CCDC83: variants seen among roughly 807,000 people sequenced by gnomAD.
CCDC83 encodes the protein coiled-coil domain-containing protein 83.
A neutral mutation model predicts 50.1 loss-of-function variants in CCDC83; 54 were observed. The ratio of observed to expected loss-of-function variants is 1.08; its 90% CI spans 0.87 to 1.35. The LOEUF (loss-of-function observed/expected upper bound fraction) is 1.35. Among genes scored for constraint, CCDC83 ranks in the 40% most tolerant of loss-of-function variants. CCDC83 has a pLI of 0.00. For missense variants in CCDC83, 518 were observed against 473.9 expected (o/e 1.09, Z -0.86); for synonymous variants, 161 against 153.3 (o/e 1.05, Z -0.37).
chr11:85,919,424 GA>G lies in CCDC83; in HGVS notation c.1157del (p.Glu386GlyfsTer23). ...ESKKMPIHFQ[E>X]KEIPVKLYKD... is the part of the protein sequence containing the mutation. ...CAAGAAAATGCCCATTCATTTTCAA[GA>G]GAAGGAAATTCCAGTCAAACTCTAT... On this transcript the variant is annotated frameshift_variant, in exon 11 of 11. Transcript: ENST00000342404. LOFTEE classifies it low-confidence loss of function (END_TRUNC). The G allele has an allele frequency of 6.2e-7, 1 of 1,613,666 alleles. No individual in the cohort carries two copies. The highest frequency in any genetic ancestry group is 8.5e-7 in the Non-Finnish European group (1 of 1,179,668).
intron 1 of CCDC83, among the ~76,000 whole-genome samples, chr11:85,861,155 C>G (rs1292240294): frequency 6.6e-6 from 1 of 152,208 alleles, no homozygotes; most frequent in Non-Finnish European, 1.5e-5. Context: ...TTAGGTGTCA[C>G]TGGCATTAAA....
intron 10 of CCDC83, chr11:85,916,650 CG>C (rs944405661): frequency 4.9e-6 from 1 of 204,366 alleles, no homozygotes; most frequent in Admixed American, 6.2e-5. Context: ...AAGGCTTGAT[CG>C]GGGCAGGAGT....
chr11:85,865,379 A>T (rs2093201060), intron 2 of CCDC83, among the ~76,000 whole-genome samples, 161 bp downstream of exon 2: 1 of 152,272 alleles, frequency 6.6e-6, no homozygotes. Context: ...ACATATTTTT[A>T]AAGGTTTTTG....
At chr11:85,883,238 G>T (rs1206752568) in intron 4 of CCDC83, among the ~76,000 whole-genome samples, 1 of 152,040 alleles carries the variant, frequency 6.6e-6, no homozygotes, top group African/African-American at 2.4e-5. Flanking sequence ...CTTACAACAG[G>T]ACAGTATCTT....
Position 85,911,285 on chromosome 11 carries a change from C to A in CCDC83, c.677C>A (p.Ala226Glu). 6.2e-7 allele frequency: 1 copy of A among 1,605,996 alleles called. No homozygotes were observed. Among genetic ancestry groups the A allele is most frequent in the Non-Finnish European group, 8.5e-7 (1 of 1,176,290 alleles). The change falls in exon 8 of 11, where the codon GCA becomes GAA. Residue 226 changes from alanine to glutamate, a missense_variant. Physicochemically the swap from Ala to Glu is moderately radical, Grantham distance 107. Coordinates refer to ENST00000342404, the MANE Select transcript of CCDC83 (RefSeq NM_001286159.2). ...ATTCTCTTCTTCTGAGAACAGGTTGCAATTCACAGGAAGGAAGTTGAAGAA... is the reference window on the plus strand; with the variant it reads ...ATTCTCTTCTTCTGAGAACAGGTTGAAATTCACAGGAAGGAAGTTGAAGAA... ...WENDWLKKEV[A>E]IHRKEVEELK...
intron 5 of CCDC83, among the ~76,000 whole-genome samples, chr11:85,892,095 G>A (rs1002850320): frequency 2.0e-5 from 3 of 152,186 alleles, no homozygotes; most frequent in African/African-American, 7.2e-5. Context: ...TCAGAGAAGA[G>A]TATATAATAA....
chr11:85,908,748 AT>A (rs1190183652), intron 7 of CCDC83, among the ~76,000 whole-genome samples: 4 of 136,470 alleles, frequency 2.9e-5, no homozygotes, highest in African/African-American at 1.2e-4. Context: ...TACAAAAAAA[AT>A]ACCAAAAAAA....
chr11:85,885,542 T>C (rs1225998095), intron 4 of CCDC83, among the ~76,000 whole-genome samples: 1 of 152,246 alleles, frequency 6.6e-6, no homozygotes, highest in Non-Finnish European at 1.5e-5. Context: ...GGCCTAAAGA[T>C]TGAATAGAAT....
chr11:85,881,563 C>T (rs1489779759), intron 3 of CCDC83, among the ~76,000 whole-genome samples: 1 of 152,086 alleles, frequency 6.6e-6, no homozygotes, highest in East Asian at 1.9e-4. Context: ...GCTGAGACTA[C>T]AAGCACCACC....
At chr11:85,866,584 G>A (rs552288707) in intron 2 of CCDC83, among the ~76,000 whole-genome samples, 3 of 151,684 alleles carry the variant, frequency 2.0e-5, no homozygotes, top group Non-Finnish European at 2.9e-5. Flanking sequence ...GCCCAGGGAG[G>A]TCAAGGTTAC....
rs1383902102 is a variant in CCDC83, at chr11:85,895,288, T to TTTA, written c.512-5_512-4insTTA. 1 of 555,906 alleles carries TTTA rather than the reference T, an allele frequency of 1.8e-6. No homozygotes were observed. Among genetic ancestry groups the TTTA allele is most frequent in the Non-Finnish European group, 2.6e-6 (1 of 378,360 alleles). 34.4% of individuals were successfully genotyped at this position (555,906 alleles called of 1,614,324 possible). A position where few individuals can be genotyped will look rare whatever the true frequency, so the allele number is the denominator to read the frequency against. On this transcript the variant is annotated splice_region_variant and splice_polypyrimidine_tract_variant and intron_variant, in intron 5 of 10. Coordinates refer to ENST00000342404, the MANE Select transcript of CCDC83 (RefSeq NM_001286159.2). ...TCTTTTTTTTTTTTTTTTTTTTTTT[T>TTTA]AAAGAACACTATAAAATCACTCTGG... is the stretch of plus-strand genomic sequence containing the variant.
intron 10 of CCDC83, 104 bp downstream of exon 10, chr11:85,916,337 C>A: frequency 2.3e-6 from 2 of 884,212 alleles, no homozygotes; most frequent in South Asian, 1.5e-5. Context: ...TTGAAAATTC[C>A]ATTTGCAATT....
chr11:85,917,166 G>GAGAGAGAGAA (rs756949334), intron 10 of CCDC83, among the ~76,000 whole-genome samples: 217 of 62,402 alleles, frequency 3.5e-3, no homozygotes, highest in East Asian at 0.012. Flanking sequence ...GAGAGAGAGA[G>GAGAGAGAGAA]AGAAAGAAAG....
At position 85,895,373 on chromosome 11, in the gene CCDC83, TG is replaced by T; in HGVS notation, c.595del (p.Ala199ProfsTer6). On this transcript the variant is annotated frameshift_variant, in exon 6 of 11. Coordinates refer to ENST00000342404, the MANE Select transcript of CCDC83 (RefSeq NM_001286159.2). LOFTEE classifies it high-confidence loss of function. Reference sequence around the variant, plus strand: ...GTTGCAACTGGACCAAAAGAAGGAATGGGCCACACAGGTATAATTCAATTTT... The same window carrying T: ...GTTGCAACTGGACCAAAAGAAGGAATGGCCACACAGGTATAATTCAATTTT... ...TLLQLDQKKE[W>X]ATQNAVKLID... 6.4e-7 allele frequency: 1 copy of T among 1,557,136 alleles called. No individual in the cohort carries two copies. Among genetic ancestry groups the T allele is most frequent in the Non-Finnish European group, 8.8e-7 (1 of 1,141,484 alleles).
chr11:85,876,553 G>A, intron 3 of CCDC83, among the ~76,000 whole-genome samples: 1 of 152,192 alleles, frequency 6.6e-6, no homozygotes, highest in African/African-American at 2.4e-5. Context: ...CACCCAGGCT[G>A]GAGTGCAGTG....
At chr11:85,899,312 G>A (rs183503202) in intron 7 of CCDC83, among the ~76,000 whole-genome samples, 13 of 152,280 alleles carry the variant, frequency 8.5e-5, no homozygotes, top group African/African-American at 3.1e-4. Context: ...CTTCCTCCTG[G>A]GTGATGGGGC....
chr11:85,880,380 G>A (rs887417271), intron 3 of CCDC83, among the ~76,000 whole-genome samples: 1 of 151,930 alleles, frequency 6.6e-6, no homozygotes, highest in African/African-American at 2.4e-5. Flanking sequence ...TCAACCTTCT[G>A]GGCTCCCACC....
At chr11:85,900,561 T>C (rs960511136) in intron 7 of CCDC83, among the ~76,000 whole-genome samples, 19 of 152,216 alleles carry the variant, frequency 1.2e-4, no homozygotes, top group African/African-American at 4.6e-4. Context: ...ATTTACACAG[T>C]GGTGGGGAAA....
At chr11:85,907,773 G>A (rs543795675) in intron 7 of CCDC83, among the ~76,000 whole-genome samples, 2 of 152,292 alleles carry the variant, frequency 1.3e-5, no homozygotes, top group South Asian at 2.1e-4. Flanking sequence ...AAAGGGATAC[G>A]TGATGTCATA....
Sources: gnomAD v4.1 joint callset for allele counts (sites outside exome capture counted in the v4.1 genomes callset) on GRCh38, gnomAD v4.1.1 for gene constraint, MANE v1.5 for transcripts, NCBI Gene and HGNC (gene_info 2026-07-23, HGNC 2026-07-21) for gene names.